DST: variants seen among roughly 807,000 people sequenced by gnomAD.
DST encodes bullous pemphigoid antigen.
A neutral mutation model predicts 875.2 loss-of-function variants in DST; 253 were observed. That is an observed-to-expected ratio of 0.29 (90% confidence interval 0.26 to 0.32). The LOEUF is 0.32. Among genes scored for constraint, DST ranks in the 10% least tolerant of loss-of-function variants. The pLI, the probability that DST is intolerant of heterozygous loss-of-function variation, is 1.00. For synonymous variants in DST, 3,124 were observed against 3,197.1 expected (o/e 0.98, Z 0.77); for missense variants, 8,287 against 9,111.6 (o/e 0.91, Z 3.68).
intron 4 of DST, among the ~76,000 whole-genome samples, chr6:56,812,555 T>C (rs145212362): frequency 6.6e-6 from 1 of 152,330 alleles, no homozygotes; most frequent in Non-Finnish European, 1.5e-5. Flanking sequence ...TACTTGCCAA[T>C]AAAACAGCTT....
intron 49 of DST, among the ~76,000 whole-genome samples, chr6:56,580,718 A>C (rs1046629552): frequency 6.8e-6 from 1 of 146,410 alleles, no homozygotes; most frequent in East Asian, 2.0e-4. Flanking sequence ...AGCGGAATTT[A>C]CTTTTTCTTT....
chr6:56,636,253 TATACACACACACACAAACAC>T (rs1174135286), intron 23 of DST, among the ~76,000 whole-genome samples: 1 of 149,064 alleles, frequency 6.7e-6, no homozygotes, highest in Non-Finnish European at 1.5e-5. Context: ...TATATATATA[TATACACACACACACAAACAC>T]ACACACACAC....
At chr6:56,782,062 A>G (rs996573528) in intron 4 of DST, among the ~76,000 whole-genome samples, 27 of 152,246 alleles carry the variant, frequency 1.8e-4, no homozygotes, top group African/African-American at 6.5e-4. Flanking sequence ...CTTGCATCCC[A>G]GGGATGAAAC....
chr6:56,546,384 AT>A (rs1562696000), intron 61 of DST, among the ~76,000 whole-genome samples: 57 of 125,716 alleles, frequency 4.5e-4, no homozygotes, highest in African/African-American at 1.6e-3. Flanking sequence ...ATATATATAT[AT>A]ATATAAATGT....
Position 56,561,373 on chromosome 6 carries a change from T to G in DST, c.14245A>C (p.Lys4749Gln). The change falls in exon 57 of 104, where the codon AAA (lysine) becomes CAA (glutamine). Residue 4749 changes from lysine to glutamine, a missense_variant. By Grantham distance (53) the Lys-to-Gln change is moderately conservative. Around this residue, in one of 10 missense-constraint regions of DST, gnomAD observed 1,513 missense variants for 1,677.8 expected, o/e 0.90. Transcript: ENST00000680361. ...WLQKMNKTAT[K>Q]WQQTPAPTDT... ...GTAGGTGCAGGTGTCTGCTGCCATT[T>G]TGTTGCAGTTTTGTTCATTTTCTGT... The G allele has an allele frequency of 1.9e-6, 3 of 1,613,858 alleles. No individual in the cohort carries two copies. The highest frequency in any genetic ancestry group is 2.5e-6 in the Non-Finnish European group (3 of 1,179,776).
At chr6:56,696,602 A>T (rs2099265503) in intron 9 of DST, among the ~76,000 whole-genome samples, 1 of 152,000 alleles carries the variant, frequency 6.6e-6, no homozygotes, top group African/African-American at 2.4e-5. Flanking sequence ...CTCTAAATAC[A>T]CTGCTTCTAC....
chr6:56,514,188 T>C (rs2152483357), intron 72 of DST, among the ~76,000 whole-genome samples: 1 of 152,330 alleles, frequency 6.6e-6, no homozygotes, highest in Middle Eastern at 3.4e-3. Context: ...ATGCTAAAAA[T>C]GTGGCTATTC....
At chr6:56,814,925 T>C (rs2099764829) in intron 4 of DST, among the ~76,000 whole-genome samples, 5 of 152,120 alleles carry the variant, frequency 3.3e-5, no homozygotes, top group Admixed American at 3.3e-4. Context: ...TACAGCAAGA[T>C]AAATGAGAGG....
chr6:56,775,175 C>T (rs1204117731), intron 4 of DST, among the ~76,000 whole-genome samples: 1 of 152,048 alleles, frequency 6.6e-6, no homozygotes. Flanking sequence ...GAAGAGATTA[C>T]AGTTGATCTG....
At chr6:56,674,189 G>A (rs1353926320) in intron 9 of DST, among the ~76,000 whole-genome samples, 2 of 152,116 alleles carry the variant, frequency 1.3e-5, no homozygotes, top group Non-Finnish European at 2.9e-5. Context: ...GCAATGTAGT[G>A]ATAATCAGAG....
chr6:56,721,437 T>G (rs992985193), intron 5 of DST, among the ~76,000 whole-genome samples: 3 of 152,242 alleles, frequency 2.0e-5, no homozygotes, highest in African/African-American at 7.2e-5. Context: ...CCATGAAATC[T>G]TCACAATTTG....
At chr6:56,512,889 GC>G (rs1233788387) in intron 72 of DST, among the ~76,000 whole-genome samples, 1 of 152,170 alleles carries the variant, frequency 6.6e-6, no homozygotes, top group Admixed American at 6.5e-5. Flanking sequence ...ATGTGGGAGG[GC>G]CATGTTTGCA....
At chr6:56,743,093 C>G (rs2099553325) in intron 4 of DST, among the ~76,000 whole-genome samples, 1 of 152,080 alleles carries the variant, frequency 6.6e-6, no homozygotes, top group Non-Finnish European at 1.5e-5. Flanking sequence ...CAAGGTGCCT[C>G]AAATTTAGGA....
intron 36 of DST, chr6:56,618,887 A>C: frequency 6.2e-7 from 1 of 1,613,988 alleles, no homozygotes. Context: ...TACTTTTTTC[A>C]ACCTGTTATT....
chr6:56,592,163 T>C lies in DST; in HGVS notation c.12903+19A>G. 3 of 1,607,592 alleles carry C rather than the reference T, an allele frequency of 1.9e-6. No individual in the cohort carries two copies. The highest frequency in any genetic ancestry group is 2.5e-6 in the Non-Finnish European group (3 of 1,176,998). ...TCAGTAAGACTACTGGAAATGTGGATCTTTCTCTCGCTTTTTACCTTGGTC... is the reference window on the plus strand; with the variant it reads ...TCAGTAAGACTACTGGAAATGTGGACCTTTCTCTCGCTTTTTACCTTGGTC... On this transcript the variant is annotated intron_variant, in intron 49 of 103. Transcript: ENST00000680361.
At position 56,651,049 on chromosome 6, in the gene DST, AAATT is replaced by A. The variant is rs2098972933; in HGVS notation, c.1328-21_1328-18del. 6.3e-7 allele frequency: 1 copy of A among 1,592,432 alleles called. No individual in the cohort carries two copies. Among genetic ancestry groups the A allele is most frequent in the Non-Finnish European group, 8.6e-7 (1 of 1,161,606 alleles). On this transcript the variant is annotated intron_variant, in intron 11 of 103. Transcript: ENST00000680361. The stretch of plus-strand genomic sequence containing the variant: ...CATCGACATCTAAAAACAGCAACAT[AAATT>A]AATTATTTCACAATGTTGATAAATT...
At chr6:56,620,392 CA>C in intron 36 of DST, 1 of 1,614,208 alleles carries the variant, frequency 6.2e-7, no homozygotes, top group Non-Finnish European at 8.5e-7. Flanking sequence ...TCACCCGCTC[CA>C]GTTCTCTTTC....
chr6:56,560,385 T>A lies in DST; in HGVS notation c.14349A>T (p.Val4783=). ...EAELKQNVNK[V]QELKDKLTEL... is the part of the protein sequence containing the mutation. ...CTGTCAATTTGTCTTTCAACTCCTG[T>A]ACTTTGTTTACATTCTGCTTCAGTT... Residue 4783 remains valine (V), a synonymous_variant, in exon 58 of 104, where the codon GTA becomes GTT. Transcript: ENST00000680361. 6.2e-7 allele frequency: 1 copy of A among 1,604,406 alleles called. No individual in the cohort carries two copies. Among genetic ancestry groups the A allele is most frequent in the African/African-American group, 1.3e-5 (1 of 74,966 alleles).
At position 56,618,624 on chromosome 6, in the gene DST, C is replaced by T. The variant is rs1005318080; in HGVS notation, c.4930-4140G>A. Reference sequence around the variant, plus strand: ...TCACGATACTGTTGAAGCTGTCTTTCAAGTTCTTTAATGTTTGTTTCACAA... The same window carrying T: ...TCACGATACTGTTGAAGCTGTCTTTTAAGTTCTTTAATGTTTGTTTCACAA... On this transcript the variant is annotated intron_variant, in intron 36 of 103. Coordinates refer to ENST00000680361, the MANE Select transcript of DST (RefSeq NM_001374736.1). 3.1e-6 allele frequency: 5 copies of T among 1,614,006 alleles called. No individual in the cohort carries two copies. Among genetic ancestry groups the T allele is most frequent in the Non-Finnish European group, 4.2e-6 (5 of 1,180,036 alleles).
Sources: gnomAD v4.1 joint callset for allele counts (sites outside exome capture counted in the v4.1 genomes callset) on GRCh38, gnomAD v4.1.1 for gene constraint, gnomAD v4.1.1 regional missense constraint, MANE v1.5 for transcripts, NCBI Gene and HGNC (gene_info 2026-07-23, HGNC 2026-07-21) for gene names.